WDR12: variants seen among roughly 807,000 people sequenced by gnomAD.
The protein encoded by WDR12 is ribosome biogenesis protein WDR12.
Under a neutral mutation model 64.3 loss-of-function variants are expected in WDR12, and 42 were observed. The ratio of observed to expected loss-of-function variants is 0.65; its 90% CI spans 0.51 to 0.84. The LOEUF is 0.84. Ranked by LOEUF, WDR12 falls within the 40% of genes least tolerant of loss-of-function variation. The pLI, the probability that WDR12 is intolerant of heterozygous loss-of-function variation, is 0.00. For synonymous variants in WDR12, 158 were observed against 173.3 expected (o/e 0.91, Z 0.70); for missense variants, 469 against 494.6 (o/e 0.95, Z 0.49).
intron 12 of WDR12, among the ~76,000 whole-genome samples, chr2:202,881,547 G>C (rs755813725): frequency 1.2e-4 from 19 of 152,130 alleles, no homozygotes; most frequent in Non-Finnish European, 1.9e-4. Context: ...CTGGGAGGCT[G>C]AGGCGGGAGA....
At position 202,884,526 on chromosome 2, in the gene WDR12, C is replaced by T. The variant is rs200528447; in HGVS notation, c.751G>A (p.Val251Met). The T allele has an allele frequency of 5.3e-5, 85 of 1,604,130 alleles. No individual in the cohort carries two copies. The highest frequency in any genetic ancestry group is 6.9e-5 in the Non-Finnish European group (81 of 1,177,678). The change falls in exon 9 of 13, where the codon GTG becomes ATG. Residue 251 changes from valine (V) to methionine (M), a missense_variant. By Grantham distance (21) the Val-to-Met change is conservative. Transcript: ENST00000261015. The part of the protein sequence containing the change: ...EQLGLTRTPI[V>M]TLSGHMEAVS... ...GCCTCCATGTGGCCAGAGAGGGTCA[C>T]TATGGGAGTCTAGAAAGGAAGAACC...
At position 202,911,441 on chromosome 2, in the gene WDR12, G is replaced by C; in HGVS notation, c.36C>G (p.Asn12Lys). ...AGGCTGGAACGCTTACTTACTTCTT[G>C]TTATCAGTGTAGAAGCGTGTTTGGA... is the stretch of plus-strand genomic sequence containing the variant. ...AQLQTRFYTD[N>K]KKYAVDDVPF... Residue 12 changes from asparagine (N) to lysine (K), a missense_variant, in exon 1 of 13, where the codon AAC (asparagine) becomes AAG (lysine). Asn to Lys is a moderately conservative substitution (Grantham distance 94). Coordinates refer to ENST00000261015, the MANE Select transcript of WDR12 (RefSeq NM_018256.4). 1 of 1,614,118 alleles carries C rather than the reference G, an allele frequency of 6.2e-7. No individual in the cohort carries two copies. The highest frequency in any genetic ancestry group is 8.5e-7 in the Non-Finnish European group (1 of 1,180,000).
intron 5 of WDR12, among the ~76,000 whole-genome samples, chr2:202,896,705 CA>C (rs1688248678): frequency 6.6e-6 from 1 of 150,576 alleles, no homozygotes; most frequent in Non-Finnish European, 1.5e-5. Context: ...AACAAACAAA[CA>C]GGCTGGGTGC....
At chr2:202,903,114 T>C (rs1490516764) in intron 2 of WDR12, among the ~76,000 whole-genome samples, 1 of 152,060 alleles carries the variant, frequency 6.6e-6, no homozygotes, top group Non-Finnish European at 1.5e-5. Flanking sequence ...CTCTCTTTCA[T>C]ATATACATCT....
Position 202,877,988 on chromosome 2 carries a change from C to T in WDR12, c.*2872G>A, listed in dbSNP as rs1687891489. On this transcript the variant is annotated 3_prime_UTR_variant, in exon 13 of 13. Coordinates refer to ENST00000261015, the MANE Select transcript of WDR12 (RefSeq NM_018256.4). ...CTGAATAGTCTAGGCATGTATTGAC[C>T]TCTCATATTCCTTCTGTTCAGGGAG... 6.6e-6 allele frequency: 1 copy of T among 152,088 alleles called. No homozygotes were observed. The highest frequency in any genetic ancestry group is 6.6e-5 in the Admixed American group (1 of 15,256). 9.4% of individuals were successfully genotyped at this position (152,088 alleles called of 1,614,324 possible).
intron 11 of WDR12, 168 bp downstream of exon 11, chr2:202,883,440 AT>A: frequency 4.0e-5 from 33 of 829,692 alleles, no homozygotes; most frequent in East Asian, 8.9e-5. Flanking sequence ...CTGGCCAAAA[AT>A]TTTTTTGATC....
intron 2 of WDR12, among the ~76,000 whole-genome samples, chr2:202,905,679 T>C (rs1308917469): frequency 6.6e-6 from 1 of 152,216 alleles, no homozygotes; most frequent in Non-Finnish European, 1.5e-5. Flanking sequence ...AATGGAGTAC[T>C]ATTCAGCCAT....
chr2:202,894,733 T>C, intron 6 of WDR12, 107 bp from the exon 7 acceptor site: 6 of 908,652 alleles, frequency 6.6e-6, no homozygotes, highest in Non-Finnish European at 9.6e-6. Context: ...AGAACTTGTG[T>C]TCCACAGAAC....
chr2:202,910,937 C>A (rs1204310042), intron 1 of WDR12, among the ~76,000 whole-genome samples: 1 of 152,076 alleles, frequency 6.6e-6, no homozygotes, highest in African/African-American at 2.4e-5. Context: ...ATAGTCCCTG[C>A]CCTCAAGAGA....
intron 4 of WDR12, among the ~76,000 whole-genome samples, chr2:202,899,180 C>A (rs1026677304): frequency 1.3e-5 from 2 of 151,466 alleles, no homozygotes; most frequent in African/African-American, 4.9e-5. Flanking sequence ...GTAGCGGGGA[C>A]TACAGGCGCC....
At chr2:202,888,685 TTTTTC>T (rs1248235899) in intron 8 of WDR12, among the ~76,000 whole-genome samples, 1 of 152,154 alleles carries the variant, frequency 6.6e-6, no homozygotes, top group African/African-American at 2.4e-5. Flanking sequence ...TTTTTTCTCT[TTTTTC>T]TATTATTTTG....
At chr2:202,888,279 T>C (rs908985212) in intron 8 of WDR12, among the ~76,000 whole-genome samples, 1 of 151,914 alleles carries the variant, frequency 6.6e-6, no homozygotes, top group African/African-American at 2.4e-5. Flanking sequence ...GAGAACAGAG[T>C]AGTGGTTTTC....
intron 3 of WDR12, among the ~76,000 whole-genome samples, chr2:202,900,096 G>A (rs1258667345): frequency 2.6e-5 from 4 of 152,168 alleles, no homozygotes; most frequent in Admixed American, 6.5e-5. Context: ...TTGGGAGGCC[G>A]AGACGGGTGG....
Position 202,896,177 on chromosome 2 carries a change from G to T in WDR12, c.497C>A (p.Thr166Asn), listed in dbSNP as rs758747847. The T allele has an allele frequency of 1.9e-6, 3 of 1,613,876 alleles. No homozygotes were observed. Among genetic ancestry groups the T allele is most frequent in the Non-Finnish European group, 2.5e-6 (3 of 1,179,982 alleles). Residue 166 changes from threonine to asparagine, a missense_variant, in exon 6 of 13, where the codon ACT becomes AAT. Coordinates refer to ENST00000261015, the MANE Select transcript of WDR12 (RefSeq NM_018256.4). ...TACATTCCACTCCCATAAGAGAATA[G>T]TCTGATCCATAGAAGCACTCAATAA... ...CLLLSASMDQTILLWEWNVER... is the reference protein window; with the variant it reads ...CLLLSASMDQNILLWEWNVER...
intron 8 of WDR12, among the ~76,000 whole-genome samples, chr2:202,887,894 C>CAAAAAAAAAA (rs778475206): frequency 2.1e-4 from 13 of 60,640 alleles, no homozygotes; most frequent in South Asian, 6.1e-4. Context: ...GACTCCGTCT[C>CAAAAAAAAAA]AAAAAAAAAA....
chr2:202,882,724 C>A lies in WDR12; in HGVS notation c.1181G>T (p.Trp394Leu), dbSNP rs1300329940. 6.2e-7 allele frequency: 1 copy of A among 1,613,868 alleles called. No homozygotes were observed. Among genetic ancestry groups the A allele is most frequent in the Non-Finnish European group, 8.5e-7 (1 of 1,179,814 alleles). The change falls in exon 12 of 13, where the codon TGG becomes TTG. Residue 394 changes from tryptophan to leucine, a missense_variant. By Grantham distance (61) the Trp-to-Leu change is moderately conservative. Coordinates refer to ENST00000261015, the MANE Select transcript of WDR12 (RefSeq NM_018256.4). ...ATAAATTCTTACCCCTGTGTCTGTC[C>A]AGTCTACACTCAGAACTTTGTCTTC... ...AHEDKVLSVD[W>L]TDTGLLLSGG...
At chr2:202,908,216 T>C (rs1688497917) in intron 1 of WDR12, among the ~76,000 whole-genome samples, 2 of 152,210 alleles carry the variant, frequency 1.3e-5, no homozygotes, top group Middle Eastern at 6.8e-3. Context: ...ACACCATAGG[T>C]CATTTTAACC....
At chr2:202,894,719 T>C in intron 6 of WDR12, 93 bp from the exon 7 acceptor site, 1 of 1,031,948 alleles carries the variant, frequency 9.7e-7, no homozygotes, top group Non-Finnish European at 1.4e-6. Context: ...CAGGACCTTT[T>C]CAAAGAACTT....
At chr2:202,909,629 A>C (rs748097912) in intron 1 of WDR12, among the ~76,000 whole-genome samples, 36 of 152,136 alleles carry the variant, frequency 2.4e-4, no homozygotes, top group Non-Finnish European at 2.8e-4. Flanking sequence ...ATGATCCTCA[A>C]ACCACACTTT....
Sources: gnomAD v4.1 joint callset for allele counts (sites outside exome capture counted in the v4.1 genomes callset) on GRCh38, gnomAD v4.1.1 for gene constraint, MANE v1.5 for transcripts, NCBI Gene and HGNC (gene_info 2026-07-23, HGNC 2026-07-21) for gene names.